The following RGS7 variants were observed in gnomAD, a reference collection of about 807,000 sequenced individuals.
RGS7 encodes the protein regulator of G-protein signaling 7.
In RGS7, 27 loss-of-function variants were observed where a neutral mutation model predicts 81.1. The observed-to-expected ratio is 0.33, with a 90% CI of 0.25 to 0.46. RGS7 has a LOEUF of 0.46. Ranked by LOEUF, RGS7 falls within the 20% of genes least tolerant of loss-of-function variation. The probability of loss-of-function intolerance (pLI) is 1.00; values close to 1 mark genes in which losing one functional copy is unlikely to be tolerated. For missense variants in RGS7, 396 were observed against 607.4 expected, an observed-to-expected ratio of 0.65 and a Z score of 3.66; for synonymous variants, 208 against 207.7, an observed-to-expected ratio of 1.00 and a Z score of -0.01.
chr1:241,347,627 T>C (rs769808724), intron 2 of RGS7, among the ~76,000 whole-genome samples: 12 of 152,098 alleles, frequency 7.9e-5, no homozygotes, highest in South Asian at 2.1e-4. Context: ...TAGAGATGAA[T>C]TGAAATACTT....
chr1:240,956,676 T>C (rs1317184388), intron 4 of RGS7, among the ~76,000 whole-genome samples: 1 of 152,196 alleles, frequency 6.6e-6, no homozygotes, highest in African/African-American at 2.4e-5. Flanking sequence ...ATGTATATTA[T>C]TAACTGAAAG....
At position 240,806,229 on chromosome 1, in the gene RGS7, G is replaced by A. The variant is rs1688818855; in HGVS notation, c.1180C>T (p.Pro394Ser). 6.2e-7 allele frequency: 1 copy of A among 1,613,914 alleles called. No homozygotes were observed. Among genetic ancestry groups the A allele is most frequent in the Non-Finnish European group, 8.5e-7 (1 of 1,179,914 alleles). Residue 394 changes from proline to serine, a missense_variant, in exon 15 of 19, where the codon CCC (proline) becomes TCC (serine). By Grantham distance (74) the Pro-to-Ser change is moderately conservative. Coordinates refer to ENST00000440928, the MANE Select transcript of RGS7 (RefSeq NM_001364886.1). ...IWQEFLAPGA[P>S]SAINLDSKSY... ...TTGGAATCCAAGTTAATAGCACTGGGGGCTCCGGGAGCCAGAAACTCTTGC... is the reference window on the plus strand; with the variant it reads ...TTGGAATCCAAGTTAATAGCACTGGAGGCTCCGGGAGCCAGAAACTCTTGC...
At chr1:241,009,278 A>G (rs1259354971) in intron 3 of RGS7, among the ~76,000 whole-genome samples, 1 of 152,210 alleles carries the variant, frequency 6.6e-6, no homozygotes, top group Admixed American at 6.5e-5. Context: ...AAATATTATA[A>G]TCCGGTTAAA....
rs2066109547 is a variant in RGS7, at chr1:241,119,606, A to G, written c.79-20844T>C. 2.0e-5 allele frequency among the ~76,000 whole-genome samples: 3 copies of G among 152,200 alleles called. No homozygotes were observed. The South Asian group carries it at 6.2e-4, about 32-fold the overall frequency. On this transcript the variant is annotated intron_variant, in intron 2 of 18. Coordinates refer to ENST00000440928, the MANE Select transcript of RGS7 (RefSeq NM_001364886.1). ...TGACTTGGAAAATACTGATGCACTG[A>G]GTTATGCAGATCTCTTAAATGCTGA...
Position 240,843,900 on chromosome 1 carries a change from A to AG in RGS7, c.610-16729_610-16728insC, listed in dbSNP as rs1489224703. Among the ~76,000 whole-genome samples the AG allele has an allele frequency of 1.8e-4, 3 of 16,918 alleles. No individual in the cohort carries two copies. In the Admixed American group the frequency reaches 2.0e-3, roughly 11 times the overall value. The allele number at this position is 16,918 out of a possible 152,430, so 11.1% of individuals were successfully genotyped here. Reference sequence around the variant, plus strand: ...TCTGGGGAAAAGCAAATGAACAGGGAAAAAAAACAAGCTCAAATAATGACT... The same window carrying AG: ...TCTGGGGAAAAGCAAATGAACAGGGAGAAAAAAACAAGCTCAAATAATGACT... On this transcript the variant is annotated intron_variant, in intron 9 of 18. Transcript: ENST00000440928.
chr1:240,954,934 T>C (rs1336858880), intron 4 of RGS7, among the ~76,000 whole-genome samples: 2 of 152,212 alleles, frequency 1.3e-5, no homozygotes, highest in African/African-American at 4.8e-5. Flanking sequence ...AAAAGTTAAT[T>C]GCTCTCTTAT....
intron 3 of RGS7, among the ~76,000 whole-genome samples, chr1:241,090,011 A>AAAAG (rs541555728): frequency 2.1e-5 from 3 of 141,762 alleles, no homozygotes; most frequent in African/African-American, 2.8e-5. Flanking sequence ...AAAAAAAAAA[A>AAAAG]AGAGAGAGAG....
chr1:241,285,022 C>G (rs4660060), intron 2 of RGS7, among the ~76,000 whole-genome samples: 48,627 of 151,948 alleles, frequency 0.32, 8,995 homozygotes, highest in East Asian at 0.53. Flanking sequence ...AGGCACCCAC[C>G]ACAATGCCCA....
chr1:241,143,238 C>T (rs955733805), intron 2 of RGS7, among the ~76,000 whole-genome samples: 2 of 152,200 alleles, frequency 1.3e-5, no homozygotes, highest in Admixed American at 1.3e-4. Context: ...CTGCCTGTTA[C>T]CCAGTTCCAA....
intron 3 of RGS7, among the ~76,000 whole-genome samples, chr1:241,013,010 G>A (rs536117919): frequency 1.4e-5 from 2 of 146,740 alleles, no homozygotes; most frequent in South Asian, 4.3e-4. Context: ...CTACTCTTCT[G>A]TAACTTCAGG....
rs138351249 is a variant in RGS7, at chr1:241,179,842, C to A, written c.79-81080G>T. The stretch of plus-strand genomic sequence containing the variant: ...AGTGATAGGGTACTTGGCAAATATA[C>A]ATAAAATCATACACACATGAGGCAC... On this transcript the variant is annotated intron_variant, in intron 2 of 18. Transcript: ENST00000440928. 5.3e-4 allele frequency among the ~76,000 whole-genome samples: 77 copies of A among 144,548 alleles called. No individual in the cohort carries two copies. In the East Asian group the frequency reaches 0.014, roughly 26 times the overall value. The allele number at this position is 144,548 out of a possible 152,430, so 94.8% of individuals were successfully genotyped here. A position where few individuals can be genotyped will look rare whatever the true frequency, so the allele number is the denominator to read the frequency against.
In RGS7 at chr1:240,813,621, G is replaced by A. The variant is rs376230048; in HGVS notation, c.953C>T (p.Ala318Val). 7.9e-5 allele frequency: 127 copies of A among 1,597,808 alleles called. No individual in the cohort carries two copies. The highest frequency in any genetic ancestry group is 1.7e-4 in the Middle Eastern group (1 of 6,046). The change falls in exon 13 of 19, where the codon GCA (alanine) becomes GTA (valine). Residue 318 changes from alanine (A) to valine (V), a missense_variant. By Grantham distance (64) the Ala-to-Val change is moderately conservative. Transcript: ENST00000440928. ...AGAAAGATAAAATGCCACCTACCTT[G>A]CCTCAAGTTCCCAGAAAGTGGTGTC... is the stretch of plus-strand genomic sequence containing the variant. ...SDDTTFWELE[A>V]SKEPSQQRVK...
rs113130027 is a variant in RGS7, at chr1:241,289,907, T to G, written c.78+65792A>C. Among the ~76,000 whole-genome samples, 552 of 152,266 alleles carry G rather than the reference T, an allele frequency of 3.6e-3. 2 individuals carry two copies. The highest frequency in any genetic ancestry group is 0.013 in the African/African-American group (522 of 41,554). On this transcript the variant is annotated intron_variant, in intron 2 of 18. Transcript: ENST00000440928. The stretch of plus-strand genomic sequence containing the variant: ...GAAGCATGTGGTCCACAGCATCACC[T>G]AGTGCCTAGTGCGGAAGAGGAAAGT...
intron 2 of RGS7, among the ~76,000 whole-genome samples, chr1:241,143,638 G>C (rs1418721971): frequency 6.6e-6 from 1 of 152,158 alleles, no homozygotes; most frequent in Non-Finnish European, 1.5e-5. Flanking sequence ...ATGAGATCTG[G>C]GTGAAGACAC....
intron 4 of RGS7, among the ~76,000 whole-genome samples, chr1:240,940,024 T>C (rs757392467): frequency 3.3e-5 from 5 of 152,076 alleles, no homozygotes; most frequent in African/African-American, 9.7e-5. Flanking sequence ...AGGTTGTAGT[T>C]AGCAGAGATC....
At chr1:241,123,237 T>C (rs1031955454) in intron 2 of RGS7, among the ~76,000 whole-genome samples, 7 of 152,078 alleles carry the variant, frequency 4.6e-5, no homozygotes, top group African/African-American at 1.7e-4. Flanking sequence ...AGCTCCCTCT[T>C]TTTCATCACT....
chr1:241,189,249 C>G (rs1206736013), intron 2 of RGS7, among the ~76,000 whole-genome samples: 1 of 152,098 alleles, frequency 6.6e-6, no homozygotes, highest in East Asian at 1.9e-4. Flanking sequence ...AGTGATATAT[C>G]ATTGTGATTT....
intron 18 of RGS7, among the ~76,000 whole-genome samples, chr1:240,777,885 A>G (rs28704932): frequency 2.0e-3 from 229 of 113,662 alleles, no homozygotes; most frequent in Middle Eastern, 0.011. Context: ...AAAGGCCCTG[A>G]CTCCTAATAC....
At chr1:240,823,438 T>A (rs1260193859) in intron 10 of RGS7, 1 of 344,438 alleles carries the variant, frequency 2.9e-6, no homozygotes, top group Non-Finnish European at 5.7e-6. Flanking sequence ...CCTCACGTTA[T>A]AGTCCAGTCC....
Sources: gnomAD v4.1 joint callset for allele counts (sites outside exome capture counted in the v4.1 genomes callset) on GRCh38, gnomAD v4.1.1 for gene constraint, MANE v1.5 for transcripts, NCBI Gene and HGNC (gene_info 2026-07-23, HGNC 2026-07-21) for gene names.